Variants in BRI3 observed in about 807,000 individuals in gnomAD.
The protein encoded by BRI3 is membrane protein BRI3.
In BRI3, 6 loss-of-function variants were observed where a neutral mutation model predicts 12.8. The ratio of observed to expected loss-of-function variants is 0.47; its 90% confidence interval spans 0.26 to 0.93. The LOEUF (loss-of-function observed/expected upper bound fraction) is 0.93. Among genes scored for constraint, BRI3 ranks in the 40% least tolerant of loss-of-function variants. BRI3 has a pLI of 0.15. For synonymous variants in BRI3, 91 were observed against 76.1 expected (o/e 1.20, Z -1.02); for missense variants, 134 against 171.1 (o/e 0.78, Z 1.21).
intron 1 of BRI3, among the ~76,000 whole-genome samples, chr7:98,299,970 A>C (rs539010729): frequency 6.6e-6 from 1 of 152,254 alleles, no homozygotes; most frequent in South Asian, 2.1e-4. Flanking sequence ...GAGCCCGGGA[A>C]GTGGAGGTTG....
chr7:98,305,772 G>A (rs1005003884), upstream of BRI3, among the ~76,000 whole-genome samples: 6 of 152,200 alleles, frequency 3.9e-5, no homozygotes, highest in Admixed American at 6.5e-5. Context: ...TCTGCTGTGA[G>A]AATTAAGTGA....
At chr7:98,305,087 CATTATGTTGGCCAGGCTAGTCTTGA>C (rs1353892439), upstream of BRI3, among the ~76,000 whole-genome samples, 3 of 90,586 alleles carry the variant, frequency 3.3e-5, no homozygotes, top group Non-Finnish European at 6.1e-5. Flanking sequence ...GACGGGGTTT[CATTATGTTGGCCAGGCTAGTCTTGA>C]ACTCTTGATC....
chr7:98,319,569 T>C, the BRI3 span, among the ~76,000 whole-genome samples: 21 of 145,758 alleles, frequency 1.4e-4, no homozygotes, highest in Non-Finnish European at 2.7e-4. Flanking sequence ...TTTTTTGAGA[T>C]GGAGTCTTGC....
intron 2 of BRI3, among the ~76,000 whole-genome samples, chr7:98,285,271 T>C (rs1584390049): frequency 6.6e-6 from 1 of 151,406 alleles, no homozygotes; most frequent in Non-Finnish European, 1.5e-5. Flanking sequence ...GGGGCAGAGG[T>C]GGGCTGTGGA....
At chr7:98,294,071 T>C (rs1800081704), downstream of BRI3, 4 of 1,613,938 alleles carry the variant, frequency 2.5e-6, no homozygotes, top group Non-Finnish European at 3.4e-6. Context: ...AAGCCACGCC[T>C]ACCTGAGAAA....
chr7:98,304,281 C>A, upstream of BRI3: 1 of 1,613,552 alleles, frequency 6.2e-7, no homozygotes, highest in East Asian at 2.2e-5. Context: ...GGCAGCTGCC[C>A]CCATGGACAA....
upstream of BRI3, among the ~76,000 whole-genome samples, chr7:98,305,629 C>T (rs1034997215): frequency 2.6e-5 from 4 of 152,018 alleles, no homozygotes; most frequent in Non-Finnish European, 4.4e-5. Flanking sequence ...TGCTATGTTG[C>T]GCAGGCTGGT....
the BRI3 span, among the ~76,000 whole-genome samples, chr7:98,321,554 A>C: frequency 6.6e-6 from 1 of 152,152 alleles, no homozygotes; most frequent in African/African-American, 2.4e-5. Context: ...TTGCAATCAT[A>C]TCTCTGCAGT....
chr7:98,303,218 C>T (rs1359880920), upstream of BRI3, among the ~76,000 whole-genome samples: 1 of 152,210 alleles, frequency 6.6e-6, no homozygotes, highest in Admixed American at 6.5e-5. Flanking sequence ...GCAGGCACAT[C>T]TTAGAAGCAC....
intron 2 of BRI3, among the ~76,000 whole-genome samples, chr7:98,290,502 A>T (rs1473464835): frequency 9.4e-5 from 12 of 127,050 alleles, no homozygotes; most frequent in Non-Finnish European, 1.6e-4. Flanking sequence ...GCCATCTCTC[A>T]AGGTTTTACT....
downstream of BRI3, among the ~76,000 whole-genome samples, chr7:98,314,789 C>A (rs184916096): frequency 3.9e-5 from 6 of 152,188 alleles, no homozygotes; most frequent in African/African-American, 1.4e-4. Context: ...GACCTGGGCC[C>A]GCTGGGACTC....
intron 1 of BRI3, among the ~76,000 whole-genome samples, chr7:98,301,475 GTA>G (rs60741017): frequency 2.5e-4 from 35 of 142,218 alleles, no homozygotes; most frequent in South Asian, 6.5e-4. Flanking sequence ...TTTTTTTTTG[GTA>G]TATATATATA....
At chr7:98,313,171 C>T (rs1800937121), downstream of BRI3, among the ~76,000 whole-genome samples, 1 of 150,996 alleles carries the variant, frequency 6.6e-6, no homozygotes. Context: ...CACCCTGACA[C>T]TCTGCAGCAC....
At chr7:98,304,120 T>C (rs1800536207), upstream of BRI3, 5 of 1,424,512 alleles carry the variant, frequency 3.5e-6, no homozygotes, top group Admixed American at 1.1e-4. Context: ...AGCAAGGCGG[T>C]CACCACAGGA....
In BRI3 at chr7:98,291,398, A is replaced by G. The variant is rs1029802898; in HGVS notation, c.*155A>G. ...CCAGCTGCGGTTTCCCGGAGCGTGG[A>G]GAGGCAGTGCTGCTGCTCCCGCCCG... is the stretch of plus-strand genomic sequence containing the variant. On this transcript the variant is annotated 3_prime_UTR_variant, in exon 3 of 3. Coordinates refer to ENST00000297290, the MANE Select transcript of BRI3 (RefSeq NM_015379.5). The G allele has an allele frequency of 2.3e-5, 33 of 1,462,676 alleles. No homozygotes were observed. In the African/African-American group the frequency reaches 4.4e-4, roughly 20 times the overall value. The allele number at this position is 1,462,676 out of a possible 1,614,324, so 90.6% of individuals were successfully genotyped here.
chr7:98,290,677 TTAG>T (rs1467704294), intron 2 of BRI3, among the ~76,000 whole-genome samples: 1 of 151,882 alleles, frequency 6.6e-6, no homozygotes, highest in African/African-American at 2.4e-5. Flanking sequence ...TTTTGTATTG[TTAG>T]TAGAGACAGG....
the BRI3 span, chr7:98,315,630 AT>A: frequency 3.6e-6 from 4 of 1,103,252 alleles, no homozygotes; most frequent in African/African-American, 3.2e-5. Flanking sequence ...AAAAAAAATA[AT>A]AATAATAATA....
the BRI3 span, chr7:98,317,142 C>T: frequency 2.6e-4 from 407 of 1,586,614 alleles, 7 homozygotes; most frequent in South Asian, 3.9e-3. Context: ...CGTGAGCCAC[C>T]GCACCCGGCT....
At chr7:98,319,713 AT>A in the BRI3 span, among the ~76,000 whole-genome samples, 2 of 151,004 alleles carry the variant, frequency 1.3e-5, no homozygotes, top group Non-Finnish European at 3.0e-5. Context: ...TGCTCAGCTA[AT>A]TTTTTTTTGT....
Sources: gnomAD v4.1 joint callset for allele counts (sites outside exome capture counted in the v4.1 genomes callset) on GRCh38, gnomAD v4.1.1 for gene constraint, MANE v1.5 for transcripts, NCBI Gene and HGNC (gene_info 2026-07-23, HGNC 2026-07-21) for gene names.